SLA: variants seen among roughly 807,000 people sequenced by gnomAD.
The protein encoded by SLA is src-like-adapter.
Under a neutral mutation model 30.3 loss-of-function variants are expected in SLA, and 16 were observed. The observed-to-expected ratio is 0.53, with a 90% confidence interval of 0.36 to 0.80. The LOEUF (loss-of-function observed/expected upper bound fraction) is 0.80. Ranked by LOEUF, SLA falls within the 30% of genes least tolerant of loss-of-function variation. The probability of loss-of-function intolerance (pLI) is 0.01; values close to 1 mark genes in which losing one functional copy is unlikely to be tolerated. For missense variants in SLA, 310 were observed against 345.2 expected (o/e 0.90, Z 0.81); for synonymous variants, 143 against 137.8 (o/e 1.04, Z -0.26).
intron 2 of SLA, among the ~76,000 whole-genome samples, chr8:133,071,117 C>T (rs183108262): frequency 1.9e-4 from 29 of 152,260 alleles, no homozygotes; most frequent in Middle Eastern, 3.4e-3. Flanking sequence ...AGATTGGTGC[C>T]GTCCCTTGAT....
At chr8:133,097,088 G>A (rs954778589) in intron 1 of SLA, among the ~76,000 whole-genome samples, 1 of 152,246 alleles carries the variant, frequency 6.6e-6, no homozygotes, top group Non-Finnish European at 1.5e-5. Flanking sequence ...AGCCCAGTGT[G>A]CATAAAGCAC....
intron 7 of SLA, among the ~76,000 whole-genome samples, chr8:133,041,784 GTT>G (rs529937626): frequency 4.8e-5 from 6 of 124,396 alleles, no homozygotes; most frequent in South Asian, 2.6e-4. Flanking sequence ...CTTGTGGTCA[GTT>G]TTTTTTTTTT....
chr8:133,055,891 G>C lies in SLA; in HGVS notation c.61+4209C>G, dbSNP rs879215267. Among the ~76,000 whole-genome samples, 6 of 151,754 alleles carry C rather than the reference G, an allele frequency of 4.0e-5. No individual in the cohort carries two copies. In the South Asian group the frequency reaches 1.2e-3, roughly 32 times the overall value. ...GCAGCAGGGCGCACAGCTCTGGGGGGAATCAGGCACTGGGCTGTGGTGGTA... is the reference window on the plus strand; with the variant it reads ...GCAGCAGGGCGCACAGCTCTGGGGGCAATCAGGCACTGGGCTGTGGTGGTA... On this transcript the variant is annotated intron_variant, in intron 3 of 8. Transcript: ENST00000338087.
chr8:133,054,328 A>C (rs141342167), intron 3 of SLA, among the ~76,000 whole-genome samples: 1 of 152,322 alleles, frequency 6.6e-6, no homozygotes, highest in East Asian at 1.9e-4. Context: ...TGAAAGAAGA[A>C]ACCCAGAGAG....
intron 2 of SLA, among the ~76,000 whole-genome samples, chr8:133,074,028 G>C (rs1466273960): frequency 1.3e-5 from 2 of 152,234 alleles, no homozygotes; most frequent in East Asian, 3.9e-4. Context: ...ACATTCTGAG[G>C]CCAAAGCTCA....
chr8:133,102,390 A>G lies in SLA; in HGVS notation c.-319+163T>C, dbSNP rs1430564522. The G allele has an allele frequency of 1.8e-5, 11 of 599,136 alleles. No individual in the cohort carries two copies. In the East Asian group the frequency reaches 3.1e-4, roughly 17 times the overall value. The allele number at this position is 599,136 out of a possible 1,614,324, so 37.1% of individuals were successfully genotyped here. On this transcript the variant is annotated intron_variant, in intron 1 of 8. Coordinates refer to ENST00000338087, the MANE Select transcript of SLA (RefSeq NM_001045556.3). ...TCTTACCCCAAGTCCTGCCCCCTGG[A>G]GCTACTCACCACCAGCAGAGACCCA...
At chr8:133,094,642 AG>A (rs1469744525) in intron 1 of SLA, 1 of 303,246 alleles carries the variant, frequency 3.3e-6, no homozygotes, top group Non-Finnish European at 6.5e-6. Flanking sequence ...TTGCTAGTTA[AG>A]GAGCCCCCCA....
intron 1 of SLA, among the ~76,000 whole-genome samples, chr8:133,086,069 A>G (rs539172928): frequency 1.3e-5 from 2 of 152,360 alleles, no homozygotes; most frequent in African/African-American, 2.4e-5. Flanking sequence ...AATACCTGCT[A>G]TAAGATGGAT....
chr8:133,050,150 T>C, intron 4 of SLA, 162 bp from the exon 5 acceptor site: 1 of 645,446 alleles, frequency 1.5e-6, no homozygotes, highest in Non-Finnish European at 2.8e-6. Context: ...CTGAAAATTT[T>C]CTTTTTAAAG....
At chr8:133,051,599 T>C (rs1840418793) in intron 3 of SLA, among the ~76,000 whole-genome samples, 1 of 152,136 alleles carries the variant, frequency 6.6e-6, no homozygotes, top group Non-Finnish European at 1.5e-5. Context: ...CTTTTCCTAA[T>C]AGTGTATTGA....
At chr8:133,039,028 C>A (rs1366745142) in intron 8 of SLA, among the ~76,000 whole-genome samples, 1 of 152,158 alleles carries the variant, frequency 6.6e-6, no homozygotes, top group Non-Finnish European at 1.5e-5. Flanking sequence ...CAACCATCCA[C>A]CACCACGCCC....
intron 2 of SLA, among the ~76,000 whole-genome samples, chr8:133,068,274 C>A (rs1346004127): frequency 6.6e-6 from 1 of 152,208 alleles, no homozygotes; most frequent in African/African-American, 2.4e-5. Context: ...AGGCTGCAGA[C>A]CTGACCCACA....
At chr8:133,091,684 CTG>C (rs994803577) in intron 1 of SLA, among the ~76,000 whole-genome samples, 8 of 151,502 alleles carry the variant, frequency 5.3e-5, no homozygotes, top group African/African-American at 1.9e-4. Flanking sequence ...GTCTCTGTGA[CTG>C]TGTGTGTTTG....
intron 7 of SLA, 90 bp from the exon 8 acceptor site, chr8:133,040,220 C>G (rs570522948): frequency 7.2e-7 from 1 of 1,392,690 alleles, no homozygotes; most frequent in Non-Finnish European, 9.8e-7. Flanking sequence ...CAGTGCAGCT[C>G]CCTGGCTGCT....
chr8:133,058,825 CT>C (rs1290870822), intron 3 of SLA, among the ~76,000 whole-genome samples: 1 of 152,172 alleles, frequency 6.6e-6, no homozygotes, highest in African/African-American at 2.4e-5. Flanking sequence ...GGGGAATATT[CT>C]TTTTGTTTAT....
intron 2 of SLA, among the ~76,000 whole-genome samples, chr8:133,067,134 G>A (rs886739178): frequency 6.6e-6 from 1 of 151,964 alleles, no homozygotes; most frequent in African/African-American, 2.4e-5. Flanking sequence ...TGGTCTCCCT[G>A]GCAGGATTTC....
chr8:133,096,317 C>G (rs1848406095), intron 1 of SLA: 2 of 1,614,082 alleles, frequency 1.2e-6, no homozygotes, highest in African/African-American at 1.3e-5. Flanking sequence ...AGAGGTCGAT[C>G]TGCTCATTGG....
chr8:133,053,264 TTTGTGTGA>T (rs1435801696), intron 3 of SLA, among the ~76,000 whole-genome samples: 3 of 152,142 alleles, frequency 2.0e-5, no homozygotes, highest in Non-Finnish European at 2.9e-5. Flanking sequence ...CATTTTCCCA[TTTGTGTGA>T]CTGTCAGGGG....
intron 2 of SLA, among the ~76,000 whole-genome samples, chr8:133,067,018 T>A (rs1843130391): frequency 6.6e-6 from 1 of 152,194 alleles, no homozygotes; most frequent in Non-Finnish European, 1.5e-5. Context: ...CCGCCGTGAC[T>A]GTACCCAGTA....
Sources: gnomAD v4.1 joint callset for allele counts (sites outside exome capture counted in the v4.1 genomes callset) on GRCh38, gnomAD v4.1.1 for gene constraint, MANE v1.5 for transcripts, NCBI Gene and HGNC (gene_info 2026-07-23, HGNC 2026-07-21) for gene names.